Variants in CLASP2 observed in about 807,000 individuals in gnomAD.
The protein encoded by CLASP2 is cytoplasmic linker associated protein 2, also known as CLIP-associating protein 2.
A neutral mutation model predicts 194.4 loss-of-function variants in CLASP2; 47 were observed. That is an observed-to-expected ratio of 0.24 (90% CI 0.19 to 0.31). CLASP2 has a LOEUF of 0.31. CLASP2 is among the 10% of genes least tolerant of loss of function. The pLI, the probability that CLASP2 is intolerant of heterozygous loss-of-function variation, is 1.00. For synonymous variants in CLASP2, 619 were observed against 633.5 expected (o/e 0.98, Z 0.34); for missense variants, 1,445 against 1,823.6 (o/e 0.79, Z 3.78).
chr3:33,516,789 C>G lies in CLASP2; in HGVS notation c.3981+192G>C, dbSNP rs534203899. Among the ~76,000 whole-genome samples the G allele has an allele frequency of 5.9e-5, 9 of 152,248 alleles. No individual in the cohort carries two copies. The South Asian group carries it at 1.9e-3, about 32-fold the overall frequency. ...ATTCAGCCTGCGACCTTTCATTTTTCCTGTTAATTGTTCAAAATTGTTGAG... is the reference window on the plus strand; with the variant it reads ...ATTCAGCCTGCGACCTTTCATTTTTGCTGTTAATTGTTCAAAATTGTTGAG... On this transcript the variant is annotated intron_variant, in intron 35 of 38. Transcript: ENST00000682230.
intron 1 of CLASP2, among the ~76,000 whole-genome samples, chr3:33,713,040 G>GAAA (rs2093109603): frequency 9.3e-6 from 1 of 107,502 alleles, no homozygotes; most frequent in African/African-American, 3.4e-5. Context: ...AAAAAAAAAA[G>GAAA]AAAGTGTGAA....
intron 24 of CLASP2, among the ~76,000 whole-genome samples, chr3:33,575,606 C>T (rs961703580): frequency 6.6e-6 from 1 of 151,982 alleles, no homozygotes; most frequent in Admixed American, 6.6e-5. Flanking sequence ...ACAAAAACAA[C>T]GATATATGTA....
At chr3:33,502,714 T>C (rs776356518) in intron 37 of CLASP2, 1 of 152,146 alleles carries the variant, frequency 6.6e-6, no homozygotes, top group African/African-American at 2.4e-5. Flanking sequence ...AGGGAAAAAA[T>C]AGAGCTCATC....
At position 33,590,249 on chromosome 3, in the gene CLASP2, T is replaced by C. The variant is rs191526949; in HGVS notation, c.2068+2146A>G. ...GCTATTCTCCTCTTCATTTTACAGA[T>C]GAAATTATAGAAGTGCAGTAACTTC... On this transcript the variant is annotated intron_variant, in intron 21 of 38. Coordinates refer to ENST00000682230, the MANE Select transcript of CLASP2 (RefSeq NM_001365631.1). 3.0e-4 allele frequency among the ~76,000 whole-genome samples: 45 copies of C among 152,330 alleles called. No individual in the cohort carries two copies. The East Asian group carries it at 5.6e-3, about 19-fold the overall frequency.
At chr3:33,550,392 C>CAAAAA (rs555351261) in intron 30 of CLASP2, among the ~76,000 whole-genome samples, 16 of 51,606 alleles carry the variant, frequency 3.1e-4, no homozygotes, top group Admixed American at 8.0e-4. Context: ...GAGACTGCCT[C>CAAAAA]AAAAAAAAAA....
At chr3:33,653,931 A>G (rs1264713519) in intron 7 of CLASP2, among the ~76,000 whole-genome samples, 2 of 152,124 alleles carry the variant, frequency 1.3e-5, no homozygotes, top group African/African-American at 2.4e-5. Flanking sequence ...GGTAAAGAAA[A>G]TAAGACGAGG....
chr3:33,581,990 A>G, intron 22 of CLASP2, 62 bp from the exon 23 acceptor site: 1 of 1,252,254 alleles, frequency 8.0e-7, no homozygotes. Context: ...TTTGCATTTT[A>G]AAAAATTTTG....
intron 2 of CLASP2, among the ~76,000 whole-genome samples, chr3:33,692,144 A>C (rs1227061817): frequency 1.3e-5 from 2 of 152,114 alleles, no homozygotes; most frequent in Non-Finnish European, 2.9e-5. Context: ...ACTCCAATCT[A>C]GGCAACAGAG....
intron 18 of CLASP2, among the ~76,000 whole-genome samples, chr3:33,598,899 C>T (rs887580640): frequency 6.6e-6 from 1 of 152,186 alleles, no homozygotes; most frequent in Non-Finnish European, 1.5e-5. Context: ...GTTTCCTCTT[C>T]AGGCTGAAGT....
chr3:33,531,463 T>C (rs1230954297), intron 34 of CLASP2, among the ~76,000 whole-genome samples: 1 of 152,116 alleles, frequency 6.6e-6, no homozygotes, highest in African/African-American at 2.4e-5. Flanking sequence ...TTACTAATCA[T>C]TAGGGAAATG....
intron 34 of CLASP2, among the ~76,000 whole-genome samples, chr3:33,529,292 C>A (rs193077468): frequency 4.6e-5 from 7 of 152,120 alleles, no homozygotes; most frequent in Non-Finnish European, 1.0e-4. Context: ...AAACTACCAA[C>A]GACATTCTTC....
At chr3:33,613,460 G>A (rs1470067723) in intron 12 of CLASP2, among the ~76,000 whole-genome samples, 1 of 152,192 alleles carries the variant, frequency 6.6e-6, no homozygotes, top group African/African-American at 2.4e-5. Context: ...GGCAACAGAA[G>A]GCTGTCTACT....
chr3:33,664,506 TAC>T (rs747722943), intron 6 of CLASP2, among the ~76,000 whole-genome samples: 4 of 152,306 alleles, frequency 2.6e-5, no homozygotes, highest in Admixed American at 2.0e-4. Flanking sequence ...AAATTATAGA[TAC>T]AGATACTTTT....
At chr3:33,671,946 C>G (rs1044253481) in intron 6 of CLASP2, among the ~76,000 whole-genome samples, 3 of 152,100 alleles carry the variant, frequency 2.0e-5, no homozygotes, top group African/African-American at 4.8e-5. Flanking sequence ...TGGGAAGCTC[C>G]AACTGGGTGG....
chr3:33,585,144 T>C (rs542429233), intron 21 of CLASP2, among the ~76,000 whole-genome samples: 8 of 152,316 alleles, frequency 5.3e-5, no homozygotes, highest in Admixed American at 4.6e-4. Context: ...ATCTAAAATA[T>C]ACTTTCAGTT....
chr3:33,536,144 AT>A (rs1424096776), intron 33 of CLASP2, among the ~76,000 whole-genome samples: 1 of 152,124 alleles, frequency 6.6e-6, no homozygotes, highest in Non-Finnish European at 1.5e-5. Flanking sequence ...AATATTTACT[AT>A]GCACATATTA....
intron 20 of CLASP2, among the ~76,000 whole-genome samples, chr3:33,594,380 A>T (rs2069656356): frequency 6.6e-6 from 1 of 152,122 alleles, no homozygotes; most frequent in South Asian, 2.1e-4. Context: ...TCCTTTCTAC[A>T]AATTGAAAAC....
At chr3:33,547,959 T>C (rs538021328) in intron 30 of CLASP2, among the ~76,000 whole-genome samples, 1 of 151,904 alleles carries the variant, frequency 6.6e-6, no homozygotes, top group South Asian at 2.1e-4. Flanking sequence ...CAATTAATTT[T>C]TGTATAGACA....
chr3:33,545,083 C>T (rs1333678134), intron 30 of CLASP2: 10 of 293,564 alleles, frequency 3.4e-5, no homozygotes, highest in Middle Eastern at 9.6e-4. Flanking sequence ...ACCTAACAGA[C>T]AATGGAAAAG....
Sources: gnomAD v4.1 joint callset for allele counts (sites outside exome capture counted in the v4.1 genomes callset) on GRCh38, gnomAD v4.1.1 for gene constraint, MANE v1.5 for transcripts, NCBI Gene and HGNC (gene_info 2026-07-23, HGNC 2026-07-21) for gene names.